ADGRB3: variants seen among roughly 807,000 people sequenced by gnomAD.
ADGRB3 encodes the protein brain-specific angiogenesis inhibitor 3.
ADGRB3 carries 37 observed loss-of-function variants against 193.4 expected under a neutral mutation model. The ratio of observed to expected loss-of-function variants is 0.19; its 90% CI spans 0.15 to 0.25. The LOEUF (loss-of-function observed/expected upper bound fraction) is 0.25, where lower values mean the gene tolerates loss of function less well. ADGRB3 is among the 10% of genes least tolerant of loss of function. The probability of loss-of-function intolerance (pLI) is 1.00; values close to 1 mark genes in which losing one functional copy is unlikely to be tolerated. For missense variants in ADGRB3, 1,637 were observed against 1,852.9 expected (o/e 0.88, Z 2.14); for synonymous variants, 690 against 644.2 (o/e 1.07, Z -1.08).
At position 69,014,037 on chromosome 6, in the gene ADGRB3, G is replaced by T; in HGVS notation, c.1930-1G>T. 6.4e-7 allele frequency: 1 copy of T among 1,559,704 alleles called. No homozygotes were observed. The highest frequency in any genetic ancestry group is 1.2e-5 in the South Asian group (1 of 86,366). On this transcript the variant is annotated splice_acceptor_variant, in intron 11 of 31. Transcript: ENST00000370598. LOFTEE classifies it high-confidence loss of function. ...AATCTTTTATCTAATTTAATTTACAGAACTTCTTTCAAATAGTTAGCAACC... is the reference window on the plus strand; with the variant it reads ...AATCTTTTATCTAATTTAATTTACATAACTTCTTTCAAATAGTTAGCAACC...
At chr6:69,171,161 T>C (rs1775261878) in intron 17 of ADGRB3, among the ~76,000 whole-genome samples, 2 of 152,150 alleles carry the variant, frequency 1.3e-5, no homozygotes, top group South Asian at 4.1e-4. Context: ...GTCTTTGAAT[T>C]CCAGTGTATA....
At chr6:69,055,035 A>G (rs1428255756) in intron 15 of ADGRB3, among the ~76,000 whole-genome samples, 1 of 152,316 alleles carries the variant, frequency 6.6e-6, no homozygotes, top group East Asian at 1.9e-4. Context: ...ACTAACTTCC[A>G]TTAAACCCAT....
chr6:69,072,814 A>T (rs1471399095), intron 16 of ADGRB3, among the ~76,000 whole-genome samples: 2 of 152,214 alleles, frequency 1.3e-5, no homozygotes, highest in African/African-American at 2.4e-5. Context: ...CTAGGTAAAT[A>T]TAGCATAACT....
intron 17 of ADGRB3, chr6:69,233,087 C>A: frequency 2.9e-6 from 2 of 689,212 alleles, no homozygotes; most frequent in Non-Finnish European, 4.6e-6. Flanking sequence ...GCCGCACCGC[C>A]GCCTGCTTGC....
intron 13 of ADGRB3, 101 bp from the exon 14 acceptor site, chr6:69,048,084 A>T (rs1771289213): frequency 2.3e-6 from 3 of 1,279,422 alleles, no homozygotes; most frequent in Admixed American, 2.4e-5. Flanking sequence ...TTTTGACTTG[A>T]AATTTTATTT....
chr6:69,034,892 T>C (rs138582347), intron 13 of ADGRB3, among the ~76,000 whole-genome samples: 1 of 151,976 alleles, frequency 6.6e-6, no homozygotes, highest in Non-Finnish European at 1.5e-5. Context: ...TGTGTGTTTG[T>C]GGGGTTGGAG....
intron 3 of ADGRB3, among the ~76,000 whole-genome samples, chr6:68,818,159 G>A (rs186310347): frequency 2.6e-5 from 4 of 152,182 alleles, no homozygotes; most frequent in Non-Finnish European, 4.4e-5. Flanking sequence ...AGAGCAGAAA[G>A]AATGTAAACC....
rs199535769 is a variant in ADGRB3, at chr6:69,267,563, T to C, written c.2814+28337T>C. Among the ~76,000 whole-genome samples the C allele has an allele frequency of 8.5e-5, 13 of 152,222 alleles. No individual in the cohort carries two copies. In the East Asian group the frequency reaches 2.5e-3, roughly 29 times the overall value. Reference sequence around the variant, plus strand: ...AATACAAAGTAATATTAGCAGGCAATCCCAGTTTGTCTAACAGTTTTGAGC... The same window carrying C: ...AATACAAAGTAATATTAGCAGGCAACCCCAGTTTGTCTAACAGTTTTGAGC... On this transcript the variant is annotated intron_variant, in intron 20 of 31. Coordinates refer to ENST00000370598, the MANE Select transcript of ADGRB3 (RefSeq NM_001704.3).
intron 3 of ADGRB3, among the ~76,000 whole-genome samples, chr6:68,852,477 C>T (rs1473605701): frequency 6.6e-6 from 1 of 151,956 alleles, no homozygotes; most frequent in Non-Finnish European, 1.5e-5. Flanking sequence ...CACACAATAA[C>T]TTGTATATCG....
intron 3 of ADGRB3, among the ~76,000 whole-genome samples, chr6:68,832,655 A>G (rs1428923180): frequency 6.6e-6 from 1 of 152,152 alleles, no homozygotes; most frequent in Non-Finnish European, 1.5e-5. Flanking sequence ...TGATACTAGA[A>G]AGATCAATTA....
At chr6:68,677,872 T>C (rs1466905126) in intron 3 of ADGRB3, among the ~76,000 whole-genome samples, 1 of 152,184 alleles carries the variant, frequency 6.6e-6, no homozygotes, top group East Asian at 1.9e-4. Flanking sequence ...GAGGAATTTT[T>C]AAAGGACTTT....
At chr6:69,057,989 T>C (rs1049397969) in intron 15 of ADGRB3, among the ~76,000 whole-genome samples, 1 of 151,968 alleles carries the variant, frequency 6.6e-6, no homozygotes, top group Non-Finnish European at 1.5e-5. Flanking sequence ...TTTAATTTTT[T>C]GGAAGACTTT....
chr6:69,367,566 G>T (rs1343997027), intron 29 of ADGRB3, among the ~76,000 whole-genome samples: 1 of 151,982 alleles, frequency 6.6e-6, no homozygotes, highest in Non-Finnish European at 1.5e-5. Context: ...TAACTGGTGT[G>T]AGATGGTATG....
intron 20 of ADGRB3, among the ~76,000 whole-genome samples, chr6:69,309,630 A>G (rs1470115510): frequency 2.6e-5 from 4 of 151,712 alleles, no homozygotes; most frequent in African/African-American, 4.8e-5. Flanking sequence ...TAAAGTATTC[A>G]GTTATTTATA....
At position 69,304,506 on chromosome 6, in the gene ADGRB3, G is replaced by C. The variant is rs796931642; in HGVS notation, c.2815-20366G>C. ...AATGTAACTACATAGCTTAGATGCT[G>C]CAATTTTCTGTCTTCTTTATGTTTT... On this transcript the variant is annotated intron_variant, in intron 20 of 31. Transcript: ENST00000370598. Among the ~76,000 whole-genome samples, 11 of 151,668 alleles carry C rather than the reference G, an allele frequency of 7.3e-5. 1 individual carries two copies. The highest frequency in any genetic ancestry group is 2.7e-4 in the African/African-American group (11 of 41,236).
chr6:68,643,279 G>T (rs535155662), intron 3 of ADGRB3, among the ~76,000 whole-genome samples: 1 of 152,032 alleles, frequency 6.6e-6, no homozygotes, highest in Non-Finnish European at 1.5e-5. Flanking sequence ...TCATGCCTGC[G>T]TGTGTATGTG....
chr6:68,995,358 A>G (rs1769355218), intron 11 of ADGRB3, among the ~76,000 whole-genome samples: 2 of 152,222 alleles, frequency 1.3e-5, no homozygotes, highest in Non-Finnish European at 2.9e-5. Flanking sequence ...TTGAAACATT[A>G]GGTAAAGTAC....
intron 28 of ADGRB3, among the ~76,000 whole-genome samples, chr6:69,358,868 G>A (rs574303819): frequency 2.3e-4 from 35 of 151,584 alleles, no homozygotes; most frequent in African/African-American, 6.5e-4. Flanking sequence ...CATTTCTCTC[G>A]TATAGAGCAG....
intron 20 of ADGRB3, among the ~76,000 whole-genome samples, chr6:69,278,142 T>C (rs1207422628): frequency 6.6e-6 from 1 of 152,204 alleles, no homozygotes; most frequent in Non-Finnish European, 1.5e-5. Flanking sequence ...GCAAAATTCA[T>C]ACTTATAGGA....
Sources: allele counts gnomAD v4.1 joint callset (sites outside exome capture counted in the v4.1 genomes callset), GRCh38; gene constraint gnomAD v4.1.1; transcripts MANE v1.5; gene names NCBI Gene and HGNC (gene_info 2026-07-23, HGNC 2026-07-21).